TRERF1: variants seen among roughly 807,000 people sequenced by gnomAD.
The protein encoded by TRERF1 is transcriptional-regulating factor 1.
Under a neutral mutation model 122.9 loss-of-function variants are expected in TRERF1, and 27 were observed. The observed-to-expected ratio is 0.22, with a 90% CI of 0.16 to 0.30. The LOEUF (loss-of-function observed/expected upper bound fraction) is 0.30. Ranked by LOEUF, TRERF1 falls within the 10% of genes least tolerant of loss-of-function variation. The pLI, the probability that TRERF1 is intolerant of heterozygous loss-of-function variation, is 1.00. For synonymous variants in TRERF1, 636 were observed against 641.7 expected (o/e 0.99, Z 0.13); for missense variants, 1,248 against 1,560.3 (o/e 0.80, Z 3.37).
intron 17 of TRERF1, among the ~76,000 whole-genome samples, chr6:42,229,574 T>C (rs538467930): frequency 3.3e-5 from 5 of 152,322 alleles, no homozygotes; most frequent in Non-Finnish European, 7.3e-5. Context: ...GGTAACTCTG[T>C]GTGGCCAAAT....
At chr6:42,425,054 G>T (rs1312309412) in intron 2 of TRERF1, among the ~76,000 whole-genome samples, 1 of 152,146 alleles carries the variant, frequency 6.6e-6, no homozygotes, top group East Asian at 1.9e-4. Flanking sequence ...CTCAGGGTCT[G>T]ACCTCCTCAG....
chr6:42,411,373 C>T (rs1310753059), intron 2 of TRERF1, among the ~76,000 whole-genome samples: 1 of 152,198 alleles, frequency 6.6e-6, no homozygotes. Flanking sequence ...AATTCAAACC[C>T]ATGTCTCCCC....
chr6:42,336,228 AACAC>A (rs1253159439), intron 3 of TRERF1, among the ~76,000 whole-genome samples: 1 of 152,200 alleles, frequency 6.6e-6, no homozygotes, highest in African/African-American at 2.4e-5. Flanking sequence ...TGAATGGAAG[AACAC>A]ATGAGAGGGA....
At chr6:42,399,657 G>A (rs1437905341) in intron 2 of TRERF1, among the ~76,000 whole-genome samples, 3 of 152,232 alleles carry the variant, frequency 2.0e-5, no homozygotes, top group Non-Finnish European at 4.4e-5. Context: ...ATGCATTGCT[G>A]TAGTCTGTTC....
At chr6:42,306,469 GC>G (rs1787280958) in intron 3 of TRERF1, among the ~76,000 whole-genome samples, 1 of 152,120 alleles carries the variant, frequency 6.6e-6, no homozygotes, top group Middle Eastern at 3.2e-3. Flanking sequence ...AGAAGCTTGG[GC>G]CTTTCACACC....
At chr6:42,389,764 CA>C (rs1777403441) in intron 2 of TRERF1, among the ~76,000 whole-genome samples, 1 of 152,212 alleles carries the variant, frequency 6.6e-6, no homozygotes, top group African/African-American at 2.4e-5. Flanking sequence ...ATTGTGAGCT[CA>C]AACCCACTCA....
At chr6:42,304,350 G>T in intron 3 of TRERF1, among the ~76,000 whole-genome samples, 1 of 152,210 alleles carries the variant, frequency 6.6e-6, no homozygotes, top group East Asian at 1.9e-4. Flanking sequence ...AGGTTACTTA[G>T]CAGTGTCTTC....
At chr6:42,233,533 C>T (rs892848297) in intron 16 of TRERF1, among the ~76,000 whole-genome samples, 2 of 152,188 alleles carry the variant, frequency 1.3e-5, no homozygotes, top group South Asian at 2.1e-4. Context: ...GATCTGCCCG[C>T]CTTGGCCTCC....
intron 12 of TRERF1, 107 bp downstream of exon 12, chr6:42,256,621 G>C: frequency 1.1e-6 from 1 of 902,008 alleles, no homozygotes. Flanking sequence ...TGGTCATCAT[G>C]CGCCGATTGG....
At chr6:42,334,904 G>A (rs1765879564) in intron 3 of TRERF1, among the ~76,000 whole-genome samples, 1 of 152,218 alleles carries the variant, frequency 6.6e-6, no homozygotes, top group Non-Finnish European at 1.5e-5. Flanking sequence ...GTCCCTCCTG[G>A]CTCACTGAGC....
In TRERF1 at chr6:42,408,286, T is replaced by TATATATATATAC. The variant is rs1562153171; in HGVS notation, c.-454+42890_-454+42891insGTATATATATAT. Among the ~76,000 whole-genome samples the TATATATATATAC allele has an allele frequency of 1.3e-4, 18 of 138,994 alleles. No homozygotes were observed. The East Asian group carries it at 3.5e-3, about 27-fold the overall frequency. 91.2% of individuals were successfully genotyped at this position (138,994 alleles called of 152,430 possible). Reference sequence around the variant, plus strand: ...GTGTGTATGTATATATACATACACATGTGTGTGTATGTATATATACATACT... The same window carrying TATATATATATAC: ...GTGTGTATGTATATATACATACACATATATATATATACGTGTGTGTATGTATATATACATACT... On this transcript the variant is annotated intron_variant, in intron 2 of 17. Transcript: ENST00000372922.
chr6:42,336,884 G>A (rs775218230), intron 3 of TRERF1, among the ~76,000 whole-genome samples: 1 of 152,078 alleles, frequency 6.6e-6, no homozygotes, highest in Non-Finnish European at 1.5e-5. Context: ...CCATGTGTAG[G>A]CTGTGTGAGG....
intron 3 of TRERF1, among the ~76,000 whole-genome samples, chr6:42,352,578 G>T (rs1463913871): frequency 6.6e-6 from 1 of 151,926 alleles, no homozygotes; most frequent in African/African-American, 2.4e-5. Flanking sequence ...AAATTACAAG[G>T]GCTCAAAGGA....
intron 2 of TRERF1, among the ~76,000 whole-genome samples, chr6:42,389,468 T>C (rs960257374): frequency 3.9e-5 from 6 of 152,248 alleles, no homozygotes; most frequent in Admixed American, 1.3e-4. Flanking sequence ...TTTGGGTCAC[T>C]GCTGGAGGTC....
intron 3 of TRERF1, among the ~76,000 whole-genome samples, chr6:42,341,064 A>G (rs1316034793): frequency 2.0e-5 from 3 of 152,168 alleles, no homozygotes. Context: ...GATTCCCCCC[A>G]CATCCTTCCA....
intron 4 of TRERF1, among the ~76,000 whole-genome samples, chr6:42,274,994 ACAGT>A (rs1780914160): frequency 1.3e-5 from 2 of 152,178 alleles, no homozygotes; most frequent in South Asian, 4.1e-4. Context: ...CCCTTCTGGG[ACAGT>A]CAATCAGGTT....
intron 3 of TRERF1, among the ~76,000 whole-genome samples, chr6:42,325,299 T>C (rs1299054296): frequency 6.6e-6 from 1 of 152,200 alleles, no homozygotes; most frequent in African/African-American, 2.4e-5. Flanking sequence ...GCTTATATAC[T>C]GTTGATGGGA....
intron 3 of TRERF1, among the ~76,000 whole-genome samples, chr6:42,315,706 A>ACCCCCCCCCCCCCCCCCC (rs367902405): frequency 8.4e-6 from 1 of 118,606 alleles, no homozygotes; most frequent in African/African-American, 3.3e-5. Context: ...GAGGAACACC[A>ACCCCCCCCCCCCCCCCCC]CCCCCCCCCC....
intron 2 of TRERF1, among the ~76,000 whole-genome samples, chr6:42,440,623 G>A (rs2151766893): frequency 6.6e-6 from 1 of 152,184 alleles, no homozygotes; most frequent in Middle Eastern, 3.4e-3. Context: ...GGTGTGCTCT[G>A]GGAGGTAAAA....
Sources: gnomAD v4.1 joint callset for allele counts (sites outside exome capture counted in the v4.1 genomes callset) on GRCh38, gnomAD v4.1.1 for gene constraint, MANE v1.5 for transcripts, NCBI Gene and HGNC (gene_info 2026-07-23, HGNC 2026-07-21) for gene names.